Variants in ZNF324B observed in about 807,000 individuals in gnomAD.
ZNF324B encodes zinc finger protein 324B.
A neutral mutation model predicts 10.6 loss-of-function variants in ZNF324B; 7 were observed. That is an observed-to-expected ratio of 0.66 (90% CI 0.38 to 1.24). The LOEUF is 1.24. Among genes scored for constraint, ZNF324B ranks in the 50% most tolerant of loss-of-function variants. The pLI is 0.02. For missense variants in ZNF324B, 640 were observed against 764.7 expected (o/e 0.84, Z 1.92); for synonymous variants, 316 against 321.0 (o/e 0.98, Z 0.17).
At chr19:58,434,343 T>A in the ZNF324B span, 2 of 1,614,260 alleles carry the variant, frequency 1.2e-6, no homozygotes, top group East Asian at 4.5e-5. Flanking sequence ...CAGTGTGAAC[T>A]TTCTCATGCC....
At chr19:58,443,851 G>A in the ZNF324B span, 3 of 152,370 alleles carry the variant, frequency 2.0e-5, no homozygotes, top group East Asian at 1.9e-4. Context: ...CTTCACCTAC[G>A]GTGATTTGTC....
chr19:58,455,359 G>T lies in ZNF324B; in HGVS notation c.415G>T (p.Val139Leu), dbSNP rs370411155. ...SPSQERKPTG[V>L]SVIYWERLLL... ...ATCTCAGGAGAGAAAACCCACGGGG[G>T]TGTCGGTGATCTACTGGGAGAGGCT... is the stretch of plus-strand genomic sequence containing the variant. Residue 139 changes from valine to leucine, a missense_variant, in exon 4 of 4, where the codon GTG (valine) becomes TTG (leucine). Physicochemically the swap from Val to Leu is conservative, Grantham distance 32. This residue lies in a region of ZNF324B where 345 missense variants were observed against 387.9 expected (regional missense o/e 0.89). Coordinates refer to ENST00000336614, the MANE Select transcript of ZNF324B (RefSeq NM_207395.3). This position sits in a 1 kb window ranked among gnomAD's most constrained non-coding sequence, Gnocchi z 7.0. 15 of 1,614,112 alleles carry T rather than the reference G, an allele frequency of 9.3e-6. No homozygotes were observed. The highest frequency in any genetic ancestry group is 1.3e-5 in the Non-Finnish European group (15 of 1,180,048).
intron 1 of ZNF324B, chr19:58,452,574 G>C (rs958887889): frequency 1.1e-4 from 34 of 319,314 alleles, no homozygotes; most frequent in Non-Finnish European, 1.2e-4. Flanking sequence ...TTCAGCCTGA[G>C]CGCCTGGAAG....
chr19:58,425,254 T>TTA, the ZNF324B span, among the ~76,000 whole-genome samples: 2 of 136,414 alleles, frequency 1.5e-5, no homozygotes, highest in East Asian at 5.2e-4. Flanking sequence ...AGACTCCATC[T>TTA]CAAAAAAAAA....
intron 1 of ZNF324B, chr19:58,452,757 C>A: frequency 4.7e-6 from 3 of 633,338 alleles, no homozygotes; most frequent in African/African-American, 2.0e-5. Context: ...GATGAGCAGT[C>A]AGGCGTGCGG....
At chr19:58,442,560 C>T in the ZNF324B span, 2,023 of 152,466 alleles carry the variant, frequency 0.013, 17 homozygotes, top group Non-Finnish European at 0.021. Flanking sequence ...CTGGTGGGTT[C>T]GTGGTCTTGC....
chr19:58,447,656 T>TA (rs2052833765), upstream of ZNF324B, among the ~76,000 whole-genome samples: 1 of 152,038 alleles, frequency 6.6e-6, no homozygotes, highest in Non-Finnish European at 1.5e-5. Flanking sequence ...ATTGCTTGAG[T>TA]ACAGGAGTTC....
chr19:58,423,661 T>A, the ZNF324B span, among the ~76,000 whole-genome samples: 1 of 152,190 alleles, frequency 6.6e-6, no homozygotes, highest in African/African-American at 2.4e-5. Flanking sequence ...ACTACCTGAC[T>A]TGAAAATATA....
the ZNF324B span, chr19:58,443,391 C>G: frequency 1.3e-5 from 2 of 152,304 alleles, no homozygotes; most frequent in Non-Finnish European, 2.9e-5. Flanking sequence ...TCACTTTTCA[C>G]TGCTACTTAT....
At chr19:58,422,005 C>T in the ZNF324B span, among the ~76,000 whole-genome samples, 2 of 152,132 alleles carry the variant, frequency 1.3e-5, no homozygotes, top group African/African-American at 2.4e-5. Context: ...GCAACCTCCG[C>T]GTCCCGGGTT....
the ZNF324B span, chr19:58,436,919 A>G: frequency 3.1e-6 from 4 of 1,289,762 alleles, no homozygotes; most frequent in African/African-American, 5.8e-5. Flanking sequence ...TCAGCACCCC[A>G]GCACCTACAA....
the ZNF324B span, among the ~76,000 whole-genome samples, chr19:58,425,762 T>C: frequency 3.9e-5 from 6 of 152,216 alleles, no homozygotes; most frequent in African/African-American, 1.2e-4. Context: ...TGAGCCACCA[T>C]GCCCAGCCTG....
the ZNF324B span, among the ~76,000 whole-genome samples, chr19:58,422,815 TACAAACAAATG>T: frequency 3.9e-5 from 6 of 152,204 alleles, no homozygotes; most frequent in Non-Finnish European, 8.8e-5. Context: ...AAAAAAATGA[TACAAACAAATG>T]GAAAAACATA....
chr19:58,431,835 C>CAAA, the ZNF324B span, among the ~76,000 whole-genome samples: 4 of 151,964 alleles, frequency 2.6e-5, no homozygotes, highest in Non-Finnish European at 5.9e-5. Context: ...ACTAAAAATA[C>CAAA]AAAAAAATTA....
intron 1 of ZNF324B, among the ~76,000 whole-genome samples, chr19:58,453,002 G>A (rs1438248732): frequency 6.6e-6 from 1 of 151,964 alleles, no homozygotes; most frequent in African/African-American, 2.4e-5. Flanking sequence ...GTGAACCCGG[G>A]AGCCGGAGCT....
chr19:58,456,424 C>T lies in ZNF324B; in HGVS notation c.1480C>T (p.Pro494Ser), dbSNP rs771874402. 3.2e-5 allele frequency: 52 copies of T among 1,612,148 alleles called. No individual in the cohort carries two copies. The highest frequency in any genetic ancestry group is 4.4e-5 in the Non-Finnish European group (52 of 1,179,586). Reference sequence around the variant, plus strand: ...GTGTGGCCGCGCCTTCCGTGAGCGCCCTGCCCTCTTGCACCACCAGAGGAT... The same window carrying T: ...GTGTGGCCGCGCCTTCCGTGAGCGCTCTGCCCTCTTGCACCACCAGAGGAT... ...TQCGRAFRER[P>S]ALLHHQRIHT... The change falls in exon 4 of 4, where the codon CCT becomes TCT. Residue 494 changes from proline to serine, a missense_variant. By Grantham distance (74) the Pro-to-Ser change is moderately conservative (BLOSUM62 -1). Transcript: ENST00000336614. The surrounding 1 kb of genome is among the most constrained non-coding windows in gnomAD (Gnocchi z 4.7).
At chr19:58,448,439 T>A (rs1206095234), upstream of ZNF324B, among the ~76,000 whole-genome samples, 1 of 152,192 alleles carries the variant, frequency 6.6e-6, no homozygotes, top group African/African-American at 2.4e-5. Flanking sequence ...ACTTAAAGTA[T>A]CTGGTCCGGG....
chr19:58,444,662 G>A, the ZNF324B span: 1 of 152,306 alleles, frequency 6.6e-6, no homozygotes, highest in Non-Finnish European at 1.5e-5. Flanking sequence ...AGAACCTACA[G>A]AGAACTGACA....
the ZNF324B span, among the ~76,000 whole-genome samples, chr19:58,427,430 CCTTCCTTCCTTCCTTT>C: frequency 3.3e-5 from 1 of 30,576 alleles, no homozygotes; most frequent in Non-Finnish European, 6.0e-5. Flanking sequence ...TTCCTTCCTT[CCTTCCTTCCTTCCTTT>C]CCTTTCCCTT....
Sources: allele counts gnomAD v4.1 joint callset (sites outside exome capture counted in the v4.1 genomes callset), GRCh38; gene constraint gnomAD v4.1.1; regional missense constraint gnomAD v4.1.1; non-coding constraint Gnocchi (gnomAD v3.1); transcripts MANE v1.5; gene names NCBI Gene and HGNC (gene_info 2026-07-23, HGNC 2026-07-21).